PCM1: variants seen among roughly 807,000 people sequenced by gnomAD.
PCM1 encodes pericentriolar material 1.
A neutral mutation model predicts 241.9 loss-of-function variants in PCM1; 157 were observed. That is an observed-to-expected ratio of 0.65 (90% CI 0.57 to 0.74). The LOEUF is 0.74. Among genes scored for constraint, PCM1 ranks in the 30% least tolerant of loss-of-function variants. The pLI, the probability that PCM1 is intolerant of heterozygous loss-of-function variation, is 0.00. For synonymous variants in PCM1, 1,085 were observed against 784.9 expected (o/e 1.38, Z -6.39); for missense variants, 3,478 against 2,360.1 (o/e 1.47, Z -9.81).
At position 18,027,864 on chromosome 8, in the gene PCM1, T is replaced by G. The variant is rs1354931872; in HGVS notation, c.*202T>G. 6 of 360,972 alleles carry G rather than the reference T, an allele frequency of 1.7e-5. No homozygotes were observed. Among genetic ancestry groups the G allele is most frequent in the Non-Finnish European group, 2.5e-5 (5 of 202,390 alleles). 22.4% of individuals were successfully genotyped at this position (360,972 alleles called of 1,614,324 possible). A position where few individuals can be genotyped will look rare whatever the true frequency, so the allele number is the denominator to read the frequency against. On this transcript the variant is annotated 3_prime_UTR_variant, in exon 39 of 39. Transcript: ENST00000325083. Reference sequence around the variant, plus strand: ...AGATTTAAGCCTTGACACACTGTGTTTTTTTTTTTTTCCCCCTTCTTTTTT... The same window carrying G: ...AGATTTAAGCCTTGACACACTGTGTGTTTTTTTTTTTCCCCCTTCTTTTTT...
chr8:17,966,496 T>C (rs1180371683), intron 20 of PCM1, 23 bp downstream of exon 20: 1 of 1,609,278 alleles, frequency 6.2e-7, no homozygotes, highest in African/African-American at 1.3e-5. Context: ...TTAGAAGTAT[T>C]GAGACTGTAT....
At chr8:17,967,260 C>T in intron 21 of PCM1, 90 bp downstream of exon 21, 9 of 841,168 alleles carry the variant, frequency 1.1e-5, no homozygotes, top group South Asian at 3.9e-5. Context: ...TTAACATTTT[C>T]TTTTGGAGTG....
chr8:17,949,108 CAG>C (rs1332290851), intron 7 of PCM1, among the ~76,000 whole-genome samples: 6 of 152,092 alleles, frequency 3.9e-5, no homozygotes, highest in Non-Finnish European at 8.8e-5. Context: ...TATTATGAGT[CAG>C]AGAATAGGAG....
At chr8:18,003,039 T>A (rs2090136746) in intron 29 of PCM1, among the ~76,000 whole-genome samples, 1 of 152,212 alleles carries the variant, frequency 6.6e-6, no homozygotes, top group Non-Finnish European at 1.5e-5. Flanking sequence ...ACTCAACTGT[T>A]TGGTCAAATG....
chr8:18,014,151 T>G lies in PCM1; in HGVS notation c.5584+115T>G, dbSNP rs921232058. 4 of 648,632 alleles carry G rather than the reference T, an allele frequency of 6.2e-6. No individual in the cohort carries two copies. The African/African-American group carries it at 7.5e-5, about 12-fold the overall frequency. The allele number at this position is 648,632 out of a possible 1,614,324, so 40.2% of individuals were successfully genotyped here. A position where few individuals can be genotyped will look rare whatever the true frequency, so the allele number is the denominator to read the frequency against. On this transcript the variant is annotated intron_variant, in intron 35 of 38. Coordinates refer to ENST00000325083, the MANE Select transcript of PCM1 (RefSeq NM_006197.4). ...ACTAAAATTCTTAGTTTGAAAGTAC[T>G]TTGGACCTGATGTATGTTTTTCTTC... is the stretch of plus-strand genomic sequence containing the variant.
rs540310806 is a variant in PCM1, at chr8:17,967,853, C to G, written c.3412+683C>G. ...TAAAGGAGAGCACATTTAGCTTAAG[C>G]TTTTCTTTGGATGGTTTTTTCTGCA... On this transcript the variant is annotated intron_variant, in intron 21 of 38. Coordinates refer to ENST00000325083, the MANE Select transcript of PCM1 (RefSeq NM_006197.4). Among the ~76,000 whole-genome samples the G allele has an allele frequency of 8.1e-4, 124 of 152,196 alleles. 1 individual carries two copies. The highest frequency in any genetic ancestry group is 2.9e-3 in the African/African-American group (119 of 41,512).
At chr8:17,940,555 T>C (rs1468096723) in intron 6 of PCM1, among the ~76,000 whole-genome samples, 3 of 152,198 alleles carry the variant, frequency 2.0e-5, no homozygotes, top group East Asian at 3.9e-4. Context: ...AGTTCATTTG[T>C]CACTGAGGAC....
At chr8:17,971,140 C>T (rs1265710130) in intron 22 of PCM1, among the ~76,000 whole-genome samples, 1 of 152,148 alleles carries the variant, frequency 6.6e-6, no homozygotes, top group African/African-American at 2.4e-5. Flanking sequence ...TTTCATTTGT[C>T]ACAAACTTTT....
chr8:18,016,667 A>G (rs2093241161), intron 36 of PCM1, among the ~76,000 whole-genome samples: 1 of 152,188 alleles, frequency 6.6e-6, no homozygotes, highest in African/African-American at 2.4e-5. Flanking sequence ...CCAAAATAAA[A>G]TGAATTGTAT....
chr8:17,933,068 G>A (rs1225893636), intron 2 of PCM1, among the ~76,000 whole-genome samples: 1 of 152,134 alleles, frequency 6.6e-6, no homozygotes, highest in Non-Finnish European at 1.5e-5. Flanking sequence ...AGCTCTAAAT[G>A]TATCTTTTTC....
chr8:18,014,906 G>C lies in PCM1; in HGVS notation c.5841+66G>C, dbSNP rs187118610. 75 of 1,381,810 alleles carry C rather than the reference G, an allele frequency of 5.4e-5. No homozygotes were observed. The African/African-American group carries it at 9.9e-4, about 18-fold the overall frequency. The allele number at this position is 1,381,810 out of a possible 1,614,324, so 85.6% of individuals were successfully genotyped here. On this transcript the variant is annotated intron_variant, in intron 36 of 38. Transcript: ENST00000325083. The stretch of plus-strand genomic sequence containing the variant: ...TTCTGTGCATATTTCTTCATTTTCA[G>C]ATTAGCATTCTCCACATGTAAACCA...
At chr8:18,000,044 A>G (rs1221222907) in intron 29 of PCM1, among the ~76,000 whole-genome samples, 1 of 152,188 alleles carries the variant, frequency 6.6e-6, no homozygotes, top group Admixed American at 6.5e-5. Context: ...CCATGCTCAG[A>G]ATTAAAATTT....
At chr8:17,947,393 G>A in intron 7 of PCM1, 30 bp downstream of exon 7, 1 of 1,473,022 alleles carries the variant, frequency 6.8e-7, no homozygotes, top group Non-Finnish European at 9.2e-7. Context: ...TATTCTTTTT[G>A]TAAGGAAGAC....
intron 36 of PCM1, chr8:18,015,713 C>T (rs1416897524): frequency 6.6e-6 from 1 of 152,030 alleles, no homozygotes; most frequent in East Asian, 1.9e-4. Flanking sequence ...TTGTCTTTTA[C>T]AGTTTGGTGT....
At chr8:17,938,710 T>G (rs2061162164) in intron 4 of PCM1, 30 bp from the exon 5 acceptor site, 1 of 1,571,244 alleles carries the variant, frequency 6.4e-7, no homozygotes, top group South Asian at 1.1e-5. Context: ...GGTTAATGTT[T>G]GTGTGATTTG....
At chr8:17,993,949 A>G (rs2085685110) in intron 29 of PCM1, among the ~76,000 whole-genome samples, 1 of 152,142 alleles carries the variant, frequency 6.6e-6, no homozygotes, top group Admixed American at 6.5e-5. Context: ...GGGTACATGA[A>G]ATAGTTTGAT....
chr8:18,011,759 C>T lies in PCM1; in HGVS notation c.5443C>T (p.Pro1815Ser), dbSNP rs2092548033. 2 of 1,613,382 alleles carry T rather than the reference C, an allele frequency of 1.2e-6. No individual in the cohort carries two copies. Among genetic ancestry groups the T allele is most frequent in the Admixed American group, 1.7e-5 (1 of 59,954 alleles). ...DEEMEEFEEG[P>S]VDVQTSLQAN... ...AGAAATGGAAGAATTTGAAGAAGGC[C>T]CTGTGGATGTCCAGACTTCCCTCCA... The change falls in exon 34 of 39, where the codon CCT becomes TCT. Residue 1815 changes from proline (P) to serine (S), a missense_variant. Pro to Ser is a moderately conservative substitution (Grantham distance 74). Transcript: ENST00000325083.
rs777111329 is a variant in PCM1, at chr8:17,967,028, A to C, written c.3270A>C (p.Pro1090=). Residue 1090 remains proline, a synonymous_variant, in exon 21 of 39, where the codon CCA becomes CCC. Transcript: ENST00000325083. Reference sequence around the variant, plus strand: ...TTATGCGCCAGCAAAATCAGCATCCAGAAAAACCTGGAGGCAAGGAAAGAG... The same window carrying C: ...TTATGCGCCAGCAAAATCAGCATCCCGAAAAACCTGGAGGCAAGGAAAGAG... ...NELMRQQNQH[P]EKPGGKERGS... is the part of the protein sequence containing the mutation. The C allele has an allele frequency of 6.2e-7, 1 of 1,609,482 alleles. No individual in the cohort carries two copies. The highest frequency in any genetic ancestry group is 1.7e-5 in the Admixed American group (1 of 59,400).
intron 28 of PCM1, among the ~76,000 whole-genome samples, chr8:17,992,908 C>T (rs1357723528): frequency 6.7e-6 from 1 of 149,658 alleles, no homozygotes; most frequent in East Asian, 1.9e-4. Context: ...TGAGACACCA[C>T]ACTTGGCCTT....
Sources: allele counts gnomAD v4.1 joint callset (sites outside exome capture counted in the v4.1 genomes callset), GRCh38; gene constraint gnomAD v4.1.1; transcripts MANE v1.5; gene names NCBI Gene and HGNC (gene_info 2026-07-23, HGNC 2026-07-21).